The following ZNF25 variants were observed in gnomAD, a reference collection of about 807,000 sequenced individuals.
ZNF25 encodes the protein zinc finger protein 25.
In ZNF25, 21 loss-of-function variants were observed where a neutral mutation model predicts 30.9. That is an observed-to-expected ratio of 0.68 (90% CI 0.48 to 0.98). ZNF25 has a LOEUF of 0.98. Among genes scored for constraint, ZNF25 ranks in the 50% least tolerant of loss-of-function variants. ZNF25 has a pLI of 0.00. For missense variants in ZNF25, 501 were observed against 529.9 expected, an observed-to-expected ratio of 0.95 and a Z score of 0.54; for synonymous variants, 169 against 181.3, an observed-to-expected ratio of 0.93 and a Z score of 0.55.
chr10:37,965,112 G>C (rs1208655), intron 2 of ZNF25, among the ~76,000 whole-genome samples: 9,122 of 152,244 alleles, frequency 0.06, 350 homozygotes, highest in Middle Eastern at 0.095. Flanking sequence ...TGCAGATGCT[G>C]AGAATGCAAG....
intron 2 of ZNF25, among the ~76,000 whole-genome samples, chr10:37,971,342 G>T (rs2063478292): frequency 6.6e-6 from 1 of 150,852 alleles, no homozygotes; most frequent in South Asian, 2.1e-4. Flanking sequence ...ATTCACATTT[G>T]TTAGTATCAA....
At chr10:37,968,885 C>T (rs1376100146) in intron 2 of ZNF25, among the ~76,000 whole-genome samples, 4 of 152,110 alleles carry the variant, frequency 2.6e-5, no homozygotes, top group Non-Finnish European at 5.9e-5. Flanking sequence ...GAAGGGCTGA[C>T]TGTAGGACTT....
chr10:37,963,169 C>T (rs1322060703), intron 2 of ZNF25, among the ~76,000 whole-genome samples: 1 of 151,046 alleles, frequency 6.6e-6, no homozygotes. Context: ...CAGGCTGGAG[C>T]GTAACTGTGC....
chr10:37,961,066 AAAC>A (rs894336557), intron 2 of ZNF25, among the ~76,000 whole-genome samples: 3 of 152,146 alleles, frequency 2.0e-5, no homozygotes, highest in East Asian at 1.9e-4. Flanking sequence ...CTCACTTAAA[AAAC>A]AACAACAACA....
At chr10:37,956,934 A>C in intron 4 of ZNF25, 86 bp downstream of exon 4, 1 of 947,852 alleles carries the variant, frequency 1.1e-6, no homozygotes, top group Non-Finnish European at 1.6e-6. Flanking sequence ...AAAAAAAAAA[A>C]GTGAGAGATT....
intron 2 of ZNF25, among the ~76,000 whole-genome samples, chr10:37,964,621 C>G (rs1033009205): frequency 1.3e-5 from 2 of 152,206 alleles, no homozygotes; most frequent in African/African-American, 4.8e-5. Context: ...GCAAAGCATT[C>G]AAGATGTGGC....
intron 2 of ZNF25, among the ~76,000 whole-genome samples, chr10:37,964,385 T>A (rs1564784947): frequency 6.6e-6 from 1 of 152,202 alleles, no homozygotes; most frequent in African/African-American, 2.4e-5. Flanking sequence ...TTGAAACTTC[T>A]AAGAGACGGA....
intron 1 of ZNF25, among the ~76,000 whole-genome samples, chr10:37,975,315 G>A (rs2063741555): frequency 6.6e-6 from 1 of 151,484 alleles, no homozygotes; most frequent in South Asian, 2.1e-4. Flanking sequence ...TAATTACCCC[G>A]ATTTGATCAT....
At position 37,953,074 on chromosome 10, in the gene ZNF25, T is replaced by C. The variant is rs2062269562; in HGVS notation, c.424A>G (p.Lys142Glu). 1 of 1,613,724 alleles carries C rather than the reference T, an allele frequency of 6.2e-7. No homozygotes were observed. Among genetic ancestry groups the C allele is most frequent in the Non-Finnish European group, 8.5e-7 (1 of 1,179,898 alleles). ...TTATCACAGTCATAGGATTTGCCCTTTGAGTGAGTATGCTGATGTACTATG... is the reference window on the plus strand; with the variant it reads ...TTATCACAGTCATAGGATTTGCCCTCTGAGTGAGTATGCTGATGTACTATG... ...ALIVHQHTHSKGKSYDCDKCG... is the reference protein window; with the variant it reads ...ALIVHQHTHSEGKSYDCDKCG... The change falls in exon 6 of 6, where the codon AAG becomes GAG. Residue 142 changes from lysine (K) to glutamate (E), a missense_variant. By Grantham distance (56) the Lys-to-Glu change is moderately conservative. Transcript: ENST00000302609.
chr10:37,974,273 A>AT (rs1334848246), intron 1 of ZNF25, among the ~76,000 whole-genome samples: 1 of 152,188 alleles, frequency 6.6e-6, no homozygotes, highest in African/African-American at 2.4e-5. Context: ...AAATAGATGA[A>AT]TGGGATTACA....
intron 2 of ZNF25, among the ~76,000 whole-genome samples, chr10:37,958,474 G>T (rs1279977094): frequency 6.6e-6 from 1 of 152,184 alleles, no homozygotes; most frequent in African/African-American, 2.4e-5. Flanking sequence ...ACCAAGATTA[G>T]TTAGAAGGTT....
At chr10:37,958,704 G>C (rs1202135421) in intron 2 of ZNF25, among the ~76,000 whole-genome samples, 1 of 151,996 alleles carries the variant, frequency 6.6e-6, no homozygotes, top group Non-Finnish European at 1.5e-5. Context: ...AGAATCGCAT[G>C]AACCTGGGAA....
chr10:37,971,993 G>T (rs2063518740), intron 1 of ZNF25, among the ~76,000 whole-genome samples, 186 bp from the exon 2 acceptor site: 1 of 152,038 alleles, frequency 6.6e-6, no homozygotes, highest in African/African-American at 2.4e-5. Context: ...CTTTCCTATT[G>T]GTTGCTTTGA....
At chr10:37,953,837 G>A in intron 4 of ZNF25, 79 bp from the exon 5 acceptor site, 2 of 1,315,060 alleles carry the variant, frequency 1.5e-6, no homozygotes, top group Admixed American at 2.0e-5. Context: ...TAGGCTTCAG[G>A]CCAATTTCTC....
chr10:37,971,868 T>C, intron 1 of ZNF25, 61 bp from the exon 2 acceptor site: 1 of 1,128,758 alleles, frequency 8.9e-7, no homozygotes, highest in Admixed American at 2.0e-5. Context: ...AATGTCCCTT[T>C]GACCCATTAG....
Position 37,957,463 on chromosome 10 carries a change from A to AT in ZNF25, c.98dup (p.Tyr33Ter), listed in dbSNP as rs1193700411. The part of the protein sequence containing the change: ...KLLTPAQRTL[Y>*]KDVMLENYSH... ...TATAGTTTTCCAGCATCACATCCTT[A>AT]TACAGAGTCCTCTGAGCAGGGGTCA... is the stretch of plus-strand genomic sequence containing the variant. Residue 33 changes from tyrosine (Y) to a stop codon, truncating the protein, a stop_gained and frameshift_variant, in exon 3 of 6, where the codon TAT becomes TAAT. Transcript: ENST00000302609. LOFTEE classifies it high-confidence loss of function. 4 of 1,613,916 alleles carry AT rather than the reference A, an allele frequency of 2.5e-6. No individual in the cohort carries two copies.
At chr10:37,959,661 G>C (rs1023562522) in intron 2 of ZNF25, among the ~76,000 whole-genome samples, 1 of 151,938 alleles carries the variant, frequency 6.6e-6, no homozygotes, top group Non-Finnish European at 1.5e-5. Flanking sequence ...CCAGGCTGGA[G>C]TGCAATGGTG....
rs144344791 is a variant in ZNF25 at position 37,975,724 on chromosome 10, C to T, written c.-86+782G>A. Among the ~76,000 whole-genome samples the T allele has an allele frequency of 2.7e-3, 417 of 152,266 alleles. 4 individuals are homozygous for T. The highest frequency in any genetic ancestry group is 9.5e-3 in the African/African-American group (393 of 41,564). Reference sequence around the variant, plus strand: ...AGGCCTTAAATAATTCACCTTTTGACTCAAGTGCTCTGAAGATTCCCCAAG... The same window carrying T: ...AGGCCTTAAATAATTCACCTTTTGATTCAAGTGCTCTGAAGATTCCCCAAG... On this transcript the variant is annotated intron_variant, in intron 1 of 5. Transcript: ENST00000302609.
At chr10:37,962,188 C>T (rs1240789920) in intron 2 of ZNF25, among the ~76,000 whole-genome samples, 1 of 151,340 alleles carries the variant, frequency 6.6e-6, no homozygotes, top group East Asian at 1.9e-4. Flanking sequence ...TTGCAGTGAG[C>T]CAAGATTGTG....
Sources: allele counts gnomAD v4.1 joint callset (sites outside exome capture counted in the v4.1 genomes callset), GRCh38; gene constraint gnomAD v4.1.1; transcripts MANE v1.5; gene names NCBI Gene and HGNC (gene_info 2026-07-23, HGNC 2026-07-21).